Variants in SLC35F4 observed in about 807,000 individuals in gnomAD.
The protein encoded by SLC35F4 is chromosome 14 open reading frame 36.
In SLC35F4, 24 loss-of-function variants were observed where a neutral mutation model predicts 44.2. The observed-to-expected ratio is 0.54, with a 90% CI of 0.39 to 0.76. The LOEUF is 0.76. Ranked by LOEUF, SLC35F4 falls within the 30% of genes least tolerant of loss-of-function variation. The pLI is 0.00. For missense variants in SLC35F4, 562 were observed against 586.1 expected, an observed-to-expected ratio of 0.96 and a Z score of 0.42; for synonymous variants, 238 against 223.6, an observed-to-expected ratio of 1.06 and a Z score of -0.57.
chr14:57,892,410 G>A (rs1888789000), intron 1 of SLC35F4, among the ~76,000 whole-genome samples: 1 of 152,172 alleles, frequency 6.6e-6, no homozygotes, highest in African/African-American at 2.4e-5. Context: ...CAATCTGACT[G>A]TTCAACTGGA....
chr14:57,657,662 A>G (rs1566733440), intron 1 of SLC35F4, among the ~76,000 whole-genome samples: 1 of 152,096 alleles, frequency 6.6e-6, no homozygotes, highest in Non-Finnish European at 1.5e-5. Flanking sequence ...GGTGAGGCAG[A>G]TGGTTATTCT....
intron 1 of SLC35F4, among the ~76,000 whole-genome samples, chr14:57,950,882 G>A (rs1392621524): frequency 6.6e-6 from 1 of 151,990 alleles, no homozygotes; most frequent in East Asian, 1.9e-4. Context: ...GCCAAGGCTG[G>A]TCTTGAACTC....
At chr14:57,572,062 C>A (rs2068540660) in intron 4 of SLC35F4, 43 bp from the exon 5 acceptor site, 1 of 1,585,528 alleles carries the variant, frequency 6.3e-7, no homozygotes, top group South Asian at 1.1e-5. Context: ...AATGATCCCT[C>A]TGTATCCTAG....
chr14:57,882,777 T>C (rs548299951), intron 1 of SLC35F4, among the ~76,000 whole-genome samples: 1 of 152,122 alleles, frequency 6.6e-6, no homozygotes, highest in Non-Finnish European at 1.5e-5. Context: ...TTTAAGAATG[T>C]GACAGATTAA....
At chr14:57,760,706 T>C (rs2077103563) in intron 1 of SLC35F4, among the ~76,000 whole-genome samples, 1 of 152,206 alleles carries the variant, frequency 6.6e-6, no homozygotes, top group Non-Finnish European at 1.5e-5. Flanking sequence ...TTTCCTATTA[T>C]TGAAATAAGA....
At chr14:57,587,872 A>C (rs2069875135) in intron 3 of SLC35F4, among the ~76,000 whole-genome samples, 1 of 24,824 alleles carries the variant, frequency 4.0e-5, no homozygotes, top group Non-Finnish European at 7.4e-5. Context: ...GCACCTTCCA[A>C]AAAAAAAAAA....
intron 1 of SLC35F4, among the ~76,000 whole-genome samples, chr14:57,832,445 G>A (rs1375137999): frequency 6.6e-6 from 1 of 152,050 alleles, no homozygotes; most frequent in Admixed American, 6.5e-5. Flanking sequence ...TATGACATGA[G>A]GACTATAGTT....
intron 1 of SLC35F4, among the ~76,000 whole-genome samples, chr14:57,744,030 T>A (rs2076691864): frequency 6.6e-6 from 1 of 152,180 alleles, no homozygotes; most frequent in African/African-American, 2.4e-5. Context: ...TCAACAGCTC[T>A]TCATGCTAAA....
At chr14:57,622,819 T>TA (rs1304463448) in intron 1 of SLC35F4, among the ~76,000 whole-genome samples, 3 of 150,484 alleles carry the variant, frequency 2.0e-5, no homozygotes, top group African/African-American at 4.9e-5. Context: ...TAAAGTATAA[T>TA]AAAAAAATAA....
At chr14:57,818,576 A>G (rs1299323162) in intron 1 of SLC35F4, among the ~76,000 whole-genome samples, 2 of 152,164 alleles carry the variant, frequency 1.3e-5, no homozygotes, top group Non-Finnish European at 2.9e-5. Context: ...GGTGTGTTTC[A>G]TGGTGCTTCT....
intron 4 of SLC35F4, among the ~76,000 whole-genome samples, chr14:57,577,081 G>C (rs1210213318): frequency 1.3e-5 from 2 of 152,112 alleles, no homozygotes; most frequent in African/African-American, 4.8e-5. Flanking sequence ...AGAGAATTCT[G>C]CATTGCACAT....
intron 1 of SLC35F4, among the ~76,000 whole-genome samples, chr14:57,918,974 G>A (rs1254059877): frequency 1.3e-5 from 2 of 152,218 alleles, no homozygotes; most frequent in African/African-American, 4.8e-5. Flanking sequence ...TTTGTTGCCA[G>A]GAGGTGACTG....
At chr14:57,571,736 G>A (rs1425918832) in intron 5 of SLC35F4, among the ~76,000 whole-genome samples, 158 bp downstream of exon 5, 1 of 152,146 alleles carries the variant, frequency 6.6e-6, no homozygotes, top group African/African-American at 2.4e-5. Flanking sequence ...AAAATTTTCA[G>A]GCAGGTACCC....
intron 1 of SLC35F4, among the ~76,000 whole-genome samples, chr14:57,683,970 C>T (rs1465173433): frequency 1.3e-5 from 2 of 151,950 alleles, no homozygotes; most frequent in African/African-American, 4.8e-5. Context: ...ACTTTGGTAC[C>T]AGGTGATGCT....
At chr14:57,824,941 G>A (rs561472311) in intron 1 of SLC35F4, among the ~76,000 whole-genome samples, 20 of 152,186 alleles carry the variant, frequency 1.3e-4, no homozygotes, top group South Asian at 4.2e-4. Flanking sequence ...TCTAGCTTCC[G>A]TGTGAAGAAC....
chr14:57,840,806 T>C (rs1297483312), intron 1 of SLC35F4, among the ~76,000 whole-genome samples: 1 of 152,250 alleles, frequency 6.6e-6, no homozygotes, highest in African/African-American at 2.4e-5. Flanking sequence ...CACATGTTCC[T>C]TTCTTACGTA....
Position 57,622,063 on chromosome 14 carries a change from A to G in SLC35F4, c.104-27939T>C, listed in dbSNP as rs965627999. ...ATTTATGCAGCCAAAAAACACATGAAAAAATGCTCGCCATCACTGGCCATC... is the reference window on the plus strand; with the variant it reads ...ATTTATGCAGCCAAAAAACACATGAGAAAATGCTCGCCATCACTGGCCATC... On this transcript the variant is annotated intron_variant, in intron 1 of 7. Transcript: ENST00000556826. 5.6e-3 allele frequency among the ~76,000 whole-genome samples: 843 copies of G among 149,500 alleles called. 4 individuals are homozygous for G. The highest frequency in any genetic ancestry group is 9.0e-3 in the Non-Finnish European group (603 of 67,322).
intron 1 of SLC35F4, among the ~76,000 whole-genome samples, chr14:57,704,559 C>A (rs930569146): frequency 2.0e-5 from 3 of 151,994 alleles, no homozygotes; most frequent in Non-Finnish European, 4.4e-5. Context: ...GACATGATAC[C>A]CACCCCCTGA....
chr14:57,604,337 C>A (rs576405025), intron 1 of SLC35F4: 1 of 152,070 alleles, frequency 6.6e-6, no homozygotes, highest in Non-Finnish European at 1.5e-5. Flanking sequence ...GATCAGCCAA[C>A]TAAATTGAAG....
Sources: gnomAD v4.1 joint callset for allele counts (sites outside exome capture counted in the v4.1 genomes callset) on GRCh38, gnomAD v4.1.1 for gene constraint, MANE v1.5 for transcripts, NCBI Gene and HGNC (gene_info 2026-07-23, HGNC 2026-07-21) for gene names.